Variants in MYO16 observed in about 807,000 individuals in gnomAD.
MYO16 encodes myosin XVI.
In MYO16, 94 loss-of-function variants were observed where a neutral mutation model predicts 205.3. The observed-to-expected ratio is 0.46, with a 90% confidence interval of 0.39 to 0.54. MYO16 has a LOEUF of 0.54. Ranked by LOEUF, MYO16 falls within the 20% of genes least tolerant of loss-of-function variation. The pLI is 0.00. For synonymous variants in MYO16, 988 were observed against 954.0 expected, an observed-to-expected ratio of 1.04 and a Z score of -0.66; for missense variants, 2,315 against 2,387.5, an observed-to-expected ratio of 0.97 and a Z score of 0.63.
At chr13:108,709,316 G>A (rs1248584563) in intron 2 of MYO16, among the ~76,000 whole-genome samples, 3 of 152,122 alleles carry the variant, frequency 2.0e-5, no homozygotes, top group African/African-American at 7.2e-5. Context: ...CACACAATTA[G>A]TAATTCTGAG....
intron 16 of MYO16, among the ~76,000 whole-genome samples, chr13:108,943,644 T>G (rs2139321314): frequency 6.6e-6 from 1 of 152,058 alleles, no homozygotes; most frequent in East Asian, 1.9e-4. Context: ...AGAGATGAGG[T>G]TTCACCATGT....
chr13:109,179,506 C>T, intron 33 of MYO16, 36 bp from the exon 34 acceptor site: 1 of 1,349,716 alleles, frequency 7.4e-7, no homozygotes, highest in Non-Finnish European at 1.1e-6. Context: ...AACAAGGAGA[C>T]ACTGCTTAAC....
At chr13:109,049,358 C>G (rs1195026771) in intron 24 of MYO16, among the ~76,000 whole-genome samples, 1 of 152,130 alleles carries the variant, frequency 6.6e-6, no homozygotes, top group Non-Finnish European at 1.5e-5. Flanking sequence ...CCTGGAGGAA[C>G]TTGCTGTCTC....
chr13:109,185,231 A>G lies in MYO16; in HGVS notation c.5415+5598A>G, dbSNP rs538553505. On this transcript the variant is annotated intron_variant, in intron 34 of 34. Transcript: ENST00000457511. The stretch of plus-strand genomic sequence containing the variant: ...AATTCTAGGTAACAACAATTTCAAT[A>G]TTAATTTAATTGGTTTTTAAAGTGA... Among the ~76,000 whole-genome samples, 8 of 152,334 alleles carry G rather than the reference A, an allele frequency of 5.3e-5. No homozygotes were observed. The South Asian group carries it at 1.2e-3, about 24-fold the overall frequency.
intron 9 of MYO16, among the ~76,000 whole-genome samples, chr13:108,836,422 A>G (rs1039190524): frequency 1.3e-5 from 2 of 152,196 alleles, no homozygotes; most frequent in Non-Finnish European, 2.9e-5. Flanking sequence ...GGCAGTGTGG[A>G]AGGGAAATGT....
chr13:108,839,630 C>T (rs1351092220), intron 9 of MYO16, among the ~76,000 whole-genome samples: 3 of 152,112 alleles, frequency 2.0e-5, no homozygotes, highest in Admixed American at 6.6e-5. Flanking sequence ...GTTGCTTGCT[C>T]AAAAGATACT....
At chr13:108,566,739 AAGGAAGGAAG>A in the MYO16 span, among the ~76,000 whole-genome samples, 1 of 7,782 alleles carries the variant, frequency 1.3e-4, no homozygotes, top group Admixed American at 9.7e-4. Flanking sequence ...GGAAGGGAGG[AAGGAAGGAAG>A]GAAGGAAGGA....
At chr13:108,904,525 A>T (rs1458671670) in intron 15 of MYO16, among the ~76,000 whole-genome samples, 2 of 152,164 alleles carry the variant, frequency 1.3e-5, no homozygotes, top group Admixed American at 6.6e-5. Context: ...TGTGACATAC[A>T]AGTCAGTTTA....
chr13:108,981,200 A>G (rs1594444222), intron 20 of MYO16, among the ~76,000 whole-genome samples: 3 of 152,336 alleles, frequency 2.0e-5, no homozygotes, highest in African/African-American at 4.8e-5. Context: ...GTTATCCTGT[A>G]TTCCTTTCTC....
chr13:108,527,761 A>G, the MYO16 span, among the ~76,000 whole-genome samples: 14 of 152,352 alleles, frequency 9.2e-5, no homozygotes, highest in South Asian at 1.9e-3. Flanking sequence ...AGGATTATTA[A>G]TGTAGGAATT....
intron 1 of MYO16, among the ~76,000 whole-genome samples, chr13:108,648,665 A>T (rs1880862391): frequency 6.6e-6 from 1 of 152,120 alleles, no homozygotes; most frequent in Non-Finnish European, 1.5e-5. Context: ...AGAACTAGTT[A>T]TGCCAAAGAC....
intron 10 of MYO16, among the ~76,000 whole-genome samples, chr13:108,844,744 C>T (rs187108686): frequency 7.8e-4 from 119 of 152,182 alleles, no homozygotes; most frequent in African/African-American, 2.8e-3. Context: ...GCTCAGCCAG[C>T]GCATTAGTTC....
chr13:108,562,196 C>A, the MYO16 span, among the ~76,000 whole-genome samples: 3 of 152,134 alleles, frequency 2.0e-5, no homozygotes, highest in African/African-American at 7.2e-5. Context: ...CAGCCAACCA[C>A]CTCCTCAATG....
At chr13:108,544,646 G>A in the MYO16 span, among the ~76,000 whole-genome samples, 5 of 152,066 alleles carry the variant, frequency 3.3e-5, no homozygotes, top group Non-Finnish European at 7.4e-5. Flanking sequence ...ATTAAATTAT[G>A]ATTGATTTTA....
chr13:108,637,185 T>C (rs551606130), intron 1 of MYO16, among the ~76,000 whole-genome samples: 1 of 152,354 alleles, frequency 6.6e-6, no homozygotes. Context: ...AAGAACATCA[T>C]GGGCTGCTGG....
chr13:109,158,479 T>C (rs1878188736), intron 32 of MYO16, among the ~76,000 whole-genome samples: 1 of 152,156 alleles, frequency 6.6e-6, no homozygotes, highest in African/African-American at 2.4e-5. Context: ...ATGGCAAACT[T>C]ATAAAACAGT....
At chr13:108,898,157 G>C (rs1427349246) in intron 15 of MYO16, 24 bp downstream of exon 15, 1 of 1,567,710 alleles carries the variant, frequency 6.4e-7, no homozygotes, top group East Asian at 2.2e-5. Flanking sequence ...TTGACAACGT[G>C]GATTTCCTGT....
chr13:108,748,234 T>C (rs1200599429), intron 4 of MYO16, among the ~76,000 whole-genome samples: 1 of 152,090 alleles, frequency 6.6e-6, no homozygotes, highest in East Asian at 1.9e-4. Flanking sequence ...ATTTGGAGAT[T>C]AAACAGCACA....
At chr13:109,202,639 T>G (rs1486630958) in intron 34 of MYO16, among the ~76,000 whole-genome samples, 2 of 152,178 alleles carry the variant, frequency 1.3e-5, no homozygotes, top group African/African-American at 4.8e-5. Flanking sequence ...CCAAAAGCAA[T>G]CTACAAATTC....
Sources: gnomAD v4.1 joint callset for allele counts (sites outside exome capture counted in the v4.1 genomes callset) on GRCh38, gnomAD v4.1.1 for gene constraint, MANE v1.5 for transcripts, NCBI Gene and HGNC (gene_info 2026-07-23, HGNC 2026-07-21) for gene names.